Variants in FBXO44 observed in about 807,000 individuals in gnomAD.
FBXO44 encodes F-box protein 44, also known as F-box only protein 44.
A neutral mutation model predicts 33.5 loss-of-function variants in FBXO44; 25 were observed. The ratio of observed to expected loss-of-function variants is 0.75; its 90% CI spans 0.54 to 1.04. The LOEUF (loss-of-function observed/expected upper bound fraction) is 1.04. Among genes scored for constraint, FBXO44 ranks in the 50% least tolerant of loss-of-function variants. The probability of loss-of-function intolerance (pLI) is 0.00; values close to 1 mark genes in which losing one functional copy is unlikely to be tolerated. For synonymous variants in FBXO44, 147 were observed against 152.8 expected (o/e 0.96, Z 0.28); for missense variants, 311 against 344.0 (o/e 0.90, Z 0.76).
chr1:11,658,285 G>A lies in FBXO44; in HGVS notation c.284G>A (p.Ser95Asn). The A allele has an allele frequency of 1.2e-6, 2 of 1,613,870 alleles. No homozygotes were observed. Among genetic ancestry groups the A allele is most frequent in the South Asian group, 2.2e-5 (2 of 91,064 alleles). The change falls in exon 3 of 6, where the codon AGC becomes AAC. Residue 95 changes from serine to asparagine, a missense_variant. Ser to Asn is a conservative substitution (Grantham distance 46). Transcript: ENST00000251547. ...PCAEEGFEFWSLDVNGGDEWK... is the reference protein window; with the variant it reads ...PCAEEGFEFWNLDVNGGDEWK... ...CCATCAGAGGGGTTCGAGTTCTGGA[G>A]CCTGGATGTGAATGGAGGCGATGAG... is the stretch of plus-strand genomic sequence containing the variant.
intron 5 of FBXO44, among the ~76,000 whole-genome samples, chr1:11,659,114 G>A (rs543688350): frequency 1.3e-5 from 2 of 152,384 alleles, no homozygotes; most frequent in Admixed American, 6.5e-5. Context: ...TTGGCAGGGC[G>A]TAGTGGCTCA....
At position 11,657,988 on chromosome 1, in the gene FBXO44, C is replaced by G. The variant is rs138806451; in HGVS notation, c.266-279C>G. Among the ~76,000 whole-genome samples, 286 of 152,230 alleles carry G rather than the reference C, an allele frequency of 1.9e-3. 10 individuals are homozygous for G. The East Asian group carries it at 0.052, about 28-fold the overall frequency. The stretch of plus-strand genomic sequence containing the variant: ...GTACTGGTAGAGCTGGGACTAGACC[C>G]AGGTCTGTCTGGCCCACATCAGAGC... On this transcript the variant is annotated intron_variant, in intron 2 of 5. Transcript: ENST00000251547.
At chr1:11,659,562 C>T (rs1397548878) in intron 5 of FBXO44, among the ~76,000 whole-genome samples, 1 of 152,130 alleles carries the variant, frequency 6.6e-6, no homozygotes, top group Non-Finnish European at 1.5e-5. Flanking sequence ...CTGGCGCATT[C>T]ATAGCTCACT....
At chr1:11,660,979 C>T (rs1640146280) in intron 5 of FBXO44, 151 bp from the exon 6 acceptor site, 1 of 750,902 alleles carries the variant, frequency 1.3e-6, no homozygotes, top group African/African-American at 1.8e-5. Context: ...ATCTCACTCT[C>T]TGGTTTGCGA....
At position 11,661,558 on chromosome 1, in the gene FBXO44, TG is replaced by T. The variant is rs1260637109; in HGVS notation, c.*288del. Reference sequence around the variant, plus strand: ...ATGTGGGAGGTGCAGCATGTTCCCCTGGGCCCCTCAGAAAGTCGAGCTTGGA... The same window carrying T: ...ATGTGGGAGGTGCAGCATGTTCCCCTGGCCCCTCAGAAAGTCGAGCTTGGA... On this transcript the variant is annotated 3_prime_UTR_variant, in exon 6 of 6. Coordinates refer to ENST00000251547, the MANE Select transcript of FBXO44 (RefSeq NM_033182.7). The surrounding 1 kb of genome is among the most constrained non-coding windows in gnomAD (Gnocchi z 4.4). 4 of 431,328 alleles carry T rather than the reference TG, an allele frequency of 9.3e-6. No individual in the cohort carries two copies. The highest frequency in any genetic ancestry group is 6.3e-5 in the South Asian group (1 of 15,858). The allele number at this position is 431,328 out of a possible 1,614,324, so 26.7% of individuals were successfully genotyped here.
intron 5 of FBXO44, among the ~76,000 whole-genome samples, chr1:11,660,904 C>G (rs1039785514): frequency 1.3e-5 from 2 of 152,158 alleles, no homozygotes; most frequent in Non-Finnish European, 2.9e-5. Context: ...CCTGCCTCAG[C>G]CTGCCTAGAA....
Position 11,658,832 on chromosome 1 carries a change from G to C in FBXO44, c.585G>C (p.Pro195=). 1 of 1,612,130 alleles carries C rather than the reference G, an allele frequency of 6.2e-7. No homozygotes were observed. Among genetic ancestry groups the C allele is most frequent in the East Asian group, 2.2e-5 (1 of 44,862 alleles). The part of the protein sequence containing the change: ...HAPLGTFQPD[P]ATIQQKSDAK... The stretch of plus-strand genomic sequence containing the variant: ...CTCTGGGGACCTTCCAGCCAGACCC[G>C]GCGACCATCCAGCAGAAGAGCGATG... Residue 195 remains proline (P), a synonymous_variant, in exon 5 of 6, where the codon CCG becomes CCC. Coordinates refer to ENST00000251547, the MANE Select transcript of FBXO44 (RefSeq NM_033182.7).
At position 11,662,028 on chromosome 1, in the gene FBXO44, C is replaced by T. The variant is rs538441056; in HGVS notation, c.*755C>T. ...ATGGGGAGCAGGATTGGGACCTGCT[C>T]TGACAGCTGGACACATGAGCCCTGG... On this transcript the variant is annotated 3_prime_UTR_variant, in exon 6 of 6. Transcript: ENST00000251547. 3 of 152,260 alleles carry T rather than the reference C, an allele frequency of 2.0e-5. No homozygotes were observed. The highest frequency in any genetic ancestry group is 6.5e-5 in the Admixed American group (1 of 15,280). 9.4% of individuals were successfully genotyped at this position (152,260 alleles called of 1,614,324 possible).
At chr1:11,656,124 A>G in intron 2 of FBXO44, 24 bp downstream of exon 2, 1 of 1,610,494 alleles carries the variant, frequency 6.2e-7, no homozygotes, top group Non-Finnish European at 8.5e-7. Flanking sequence ...CGGGTCTGGC[A>G]TGCCTCCAGT....
chr1:11,661,259 C>A lies in FBXO44; in HGVS notation c.754C>A (p.Pro252Thr), dbSNP rs745529020. Residue 252 changes from proline to threonine, a missense_variant, in exon 6 of 6, where the codon CCC becomes ACC. Pro to Thr is a conservative substitution (Grantham distance 38). Transcript: ENST00000251547. The surrounding 1 kb of genome is among the most constrained non-coding windows in gnomAD (Gnocchi z 4.4). ...RVTNSSITIG[P>T]PLP ...CACCAACAGCAGCATCACCATCGGG[C>A]CCCCGCTGCCCTGACACCCCCTGAG... 2 of 1,614,054 alleles carry A rather than the reference C, an allele frequency of 1.2e-6. No individual in the cohort carries two copies. Among genetic ancestry groups the A allele is most frequent in the Non-Finnish European group, 1.7e-6 (2 of 1,179,974 alleles).
At position 11,663,044 on chromosome 1, in the gene FBXO44, C is replaced by G. The variant is rs1640278831; in HGVS notation, c.*1771C>G. ...CAATCTCAGCTCACTGCAAGCTCTG[C>G]CTCCCAGGTTCGCGCCATTCACCTG... On this transcript the variant is annotated 3_prime_UTR_variant, in exon 6 of 6. Transcript: ENST00000251547. 2 of 151,046 alleles carry G rather than the reference C, an allele frequency of 1.3e-5. No homozygotes were observed. Among genetic ancestry groups the G allele is most frequent in the African/African-American group, 4.9e-5 (2 of 40,944 alleles). 9.4% of individuals were successfully genotyped at this position (151,046 alleles called of 1,614,324 possible). A position where few individuals can be genotyped will look rare whatever the true frequency, so the allele number is the denominator to read the frequency against.
At chr1:11,658,144 C>A in intron 2 of FBXO44, 123 bp from the exon 3 acceptor site, 1 of 1,523,976 alleles carries the variant, frequency 6.6e-7, no homozygotes, top group Non-Finnish European at 8.9e-7. Flanking sequence ...CTGCAGCGTC[C>A]CACAGCACAG....
Position 11,661,312 on chromosome 1 carries a change from A to C in FBXO44, c.*39A>C. 1 of 1,612,238 alleles carries C rather than the reference A, an allele frequency of 6.2e-7. No individual in the cohort carries two copies. Among genetic ancestry groups the C allele is most frequent in the South Asian group, 1.1e-5 (1 of 91,000 alleles). On this transcript the variant is annotated 3_prime_UTR_variant, in exon 6 of 6. Transcript: ENST00000251547. This position sits in a 1 kb window ranked among gnomAD's most constrained non-coding sequence, Gnocchi z 4.4. Reference sequence around the variant, plus strand: ...CCCATCTGCTGAACCCTGACTGGTAAACAACTGCTGTCAGAAAAGGGCTGG... The same window carrying C: ...CCCATCTGCTGAACCCTGACTGGTACACAACTGCTGTCAGAAAAGGGCTGG...
At chr1:11,656,868 G>A (rs567626919) in intron 2 of FBXO44, among the ~76,000 whole-genome samples, 7 of 152,316 alleles carry the variant, frequency 4.6e-5, no homozygotes, top group African/African-American at 1.7e-4. Context: ...GGAAGTCAGA[G>A]CCATATTTTG....
chr1:11,658,120 G>T, intron 2 of FBXO44, 147 bp from the exon 3 acceptor site: 1 of 1,318,778 alleles, frequency 7.6e-7, no homozygotes, highest in East Asian at 2.3e-5. Context: ...CTAATACGCG[G>T]TGGGCACTGT....
rs150816569 is a variant in FBXO44, at chr1:11,658,802, C to A, written c.555C>A (p.His185Gln). 1.2e-6 allele frequency: 2 copies of A among 1,613,728 alleles called. No individual in the cohort carries two copies. Among genetic ancestry groups the A allele is most frequent in the Non-Finnish European group, 1.7e-6 (2 of 1,180,016 alleles). ...GCGTTCAGCTCCTGTCGTCCGCGCA[C>A]GCGCCTCTGGGGACCTTCCAGCCAG... ...QLCVQLLSSA[H>Q]APLGTFQPDP... Residue 185 changes from histidine (H) to glutamine (Q), a missense_variant, in exon 5 of 6, where the codon CAC (histidine) becomes CAA (glutamine). By Grantham distance (24) the His-to-Gln change is conservative. Coordinates refer to ENST00000251547, the MANE Select transcript of FBXO44 (RefSeq NM_033182.7).
chr1:11,655,993 G>A lies in FBXO44; in HGVS notation c.158G>A (p.Arg53Gln), dbSNP rs140874551. 89 of 1,614,148 alleles carry A rather than the reference G, an allele frequency of 5.5e-5. 3 individuals carry two copies. In the South Asian group the frequency reaches 7.6e-4, roughly 14 times the overall value. ...ACCCTCTGGAAACGCAAGTGCCTGC[G>A]AGAGGGCTTCATCACTGAGGACTGG... ...LVTLWKRKCL[R>Q]EGFITEDWDQ... The change falls in exon 2 of 6, where the codon CGA becomes CAA. Residue 53 changes from arginine to glutamine, a missense_variant. Arg to Gln is a conservative substitution (Grantham distance 43). Coordinates refer to ENST00000251547, the MANE Select transcript of FBXO44 (RefSeq NM_033182.7).
At chr1:11,656,698 G>A (rs56052340) in intron 2 of FBXO44, among the ~76,000 whole-genome samples, 17,601 of 152,116 alleles carry the variant, frequency 0.12, 1,351 homozygotes, top group African/African-American at 0.21. Flanking sequence ...CCTGGCCTCA[G>A]GTGATCTGCC....
At chr1:11,659,234 A>G (rs112748080) in intron 5 of FBXO44, among the ~76,000 whole-genome samples, 3,168 of 152,288 alleles carry the variant, frequency 0.021, 128 homozygotes, top group African/African-American at 0.07. Flanking sequence ...CTAAAAATAC[A>G]AAATTACCCA....
Sources: allele counts gnomAD v4.1 joint callset (sites outside exome capture counted in the v4.1 genomes callset), GRCh38; gene constraint gnomAD v4.1.1; non-coding constraint Gnocchi (gnomAD v3.1); transcripts MANE v1.5; gene names NCBI Gene and HGNC (gene_info 2026-07-23, HGNC 2026-07-21).